Variants in EPSTI1 observed in about 807,000 individuals in gnomAD.
EPSTI1 encodes the protein epithelial stromal interaction 1.
Under a neutral mutation model 49.9 loss-of-function variants are expected in EPSTI1, and 66 were observed. The observed-to-expected ratio is 1.32, with a 90% confidence interval of 1.08 to 1.62. The LOEUF (loss-of-function observed/expected upper bound fraction) is 1.62. Among genes scored for constraint, EPSTI1 ranks in the 40% most tolerant of loss-of-function variants. The pLI is 0.00. For synonymous variants in EPSTI1, 137 were observed against 130.7 expected, an observed-to-expected ratio of 1.05 and a Z score of -0.33; for missense variants, 394 against 365.5, an observed-to-expected ratio of 1.08 and a Z score of -0.64.
At chr13:42,951,549 A>T (rs1322168520) in intron 6 of EPSTI1, among the ~76,000 whole-genome samples, 1 of 152,266 alleles carries the variant, frequency 6.6e-6, no homozygotes, top group African/African-American at 2.4e-5. Context: ...ATAGCAGGCC[A>T]GGTGGCTGAG....
intron 6 of EPSTI1, among the ~76,000 whole-genome samples, chr13:42,951,876 G>C (rs1241955061): frequency 1.3e-5 from 2 of 152,152 alleles, no homozygotes; most frequent in African/African-American, 4.8e-5. Flanking sequence ...CTAAAGTTGA[G>C]AGGTGAAGCC....
intron 5 of EPSTI1, among the ~76,000 whole-genome samples, chr13:42,962,318 A>G (rs2039474910): frequency 6.6e-6 from 1 of 152,210 alleles, no homozygotes; most frequent in South Asian, 2.1e-4. Context: ...ACAAACTCCC[A>G]GATGATGCCA....
Position 42,992,071 on chromosome 13 carries a change from C to G in EPSTI1, c.95G>C (p.Gly32Ala), listed in dbSNP as rs2040206550. 6.2e-7 allele frequency: 1 copy of G among 1,613,350 alleles called. No homozygotes were observed. The highest frequency in any genetic ancestry group is 2.2e-5 in the East Asian group (1 of 44,876). Reference sequence around the variant, plus strand: ...CTGGTCTTCCACGGGGCTCAGCTCCCCTTGCCGCCCAGAAGGGTCCTGGGG... The same window carrying G: ...CTGGTCTTCCACGGGGCTCAGCTCCGCTTGCCGCCCAGAAGGGTCCTGGGG... ...RDPQDPSGRQ[G>A]ELSPVEDQRE... Residue 32 changes from glycine (G) to alanine (A), a missense_variant, in exon 1 of 11, where the codon GGG becomes GCG. Gly to Ala is a moderately conservative substitution (Grantham distance 60, BLOSUM62 0). Coordinates refer to ENST00000313624, the MANE Select transcript of EPSTI1 (RefSeq NM_033255.5).
chr13:42,893,119 TAAAG>T (rs1273082410), intron 10 of EPSTI1, among the ~76,000 whole-genome samples: 2 of 152,070 alleles, frequency 1.3e-5, no homozygotes, highest in Non-Finnish European at 2.9e-5. Context: ...AAGAAAAAAA[TAAAG>T]AAATTAGAGA....
chr13:42,972,255 T>C (rs572138569), intron 1 of EPSTI1, among the ~76,000 whole-genome samples: 3 of 152,304 alleles, frequency 2.0e-5, no homozygotes, highest in Admixed American at 6.5e-5. Context: ...TCTCAGCCTT[T>C]ATCGTGCATC....
At chr13:42,905,930 T>C (rs1462772944) in intron 8 of EPSTI1, among the ~76,000 whole-genome samples, 1 of 152,232 alleles carries the variant, frequency 6.6e-6, no homozygotes, top group Non-Finnish European at 1.5e-5. Flanking sequence ...AATCTCTACA[T>C]TCATACAGAG....
chr13:42,966,648 A>G (rs368373867), intron 3 of EPSTI1, among the ~76,000 whole-genome samples: 38,990 of 62,370 alleles, frequency 0.63, 17,001 homozygotes, highest in East Asian at 0.99. Context: ...TCTGGGAAGT[A>G]AGGAGCGTCT....
At chr13:42,950,285 C>T (rs139443910) in intron 6 of EPSTI1, among the ~76,000 whole-genome samples, 340 of 152,340 alleles carry the variant, frequency 2.2e-3, no homozygotes, top group African/African-American at 7.8e-3. Context: ...AAAGTACATT[C>T]CAGAGGTCTT....
At chr13:42,986,821 T>C (rs1376147264) in intron 1 of EPSTI1, among the ~76,000 whole-genome samples, 2 of 151,256 alleles carry the variant, frequency 1.3e-5, no homozygotes, top group African/African-American at 2.4e-5. Flanking sequence ...GGCTGGAGAT[T>C]TAATCACCAA....
At chr13:42,965,437 C>T (rs1165827960) in intron 3 of EPSTI1, among the ~76,000 whole-genome samples, 2 of 152,152 alleles carry the variant, frequency 1.3e-5, no homozygotes, top group African/African-American at 2.4e-5. Context: ...AGATGCCGAG[C>T]GCTTCAAATT....
Position 42,969,113 on chromosome 13 carries a change from G to A in EPSTI1, c.312C>T (p.His104=). The A allele has an allele frequency of 6.2e-7, 1 of 1,614,166 alleles. No individual in the cohort carries two copies. The highest frequency in any genetic ancestry group is 8.5e-7 in the Non-Finnish European group (1 of 1,180,034). ...GCTTACCTAGCCGTCTGGGCACCAG[G>A]TGAACCGGTTTAGCTCTGTTCTGCT... ...WKEQNRAKPV[H]LVPRRLGGSQ... The change falls in exon 3 of 11, where the codon CAC becomes CAT. Residue 104 remains histidine, a synonymous_variant. Transcript: ENST00000313624.
At chr13:42,974,292 T>C (rs1393056230) in intron 1 of EPSTI1, among the ~76,000 whole-genome samples, 1 of 151,276 alleles carries the variant, frequency 6.6e-6, no homozygotes, top group Non-Finnish European at 1.5e-5. Flanking sequence ...GCTGCGATCA[T>C]GCCACTGCAC....
chr13:42,964,465 G>T (rs2039549826), intron 3 of EPSTI1, among the ~76,000 whole-genome samples: 1 of 152,184 alleles, frequency 6.6e-6, no homozygotes, highest in Non-Finnish European at 1.5e-5. Flanking sequence ...AATAGTGCCT[G>T]TCTTGGAAAC....
At chr13:42,975,280 G>A (rs2039859648) in intron 1 of EPSTI1, among the ~76,000 whole-genome samples, 1 of 152,166 alleles carries the variant, frequency 6.6e-6, no homozygotes, top group Admixed American at 6.5e-5. Flanking sequence ...ACCAGGCCGA[G>A]CGAATTACCC....
At chr13:42,900,714 C>G (rs191616831) in intron 8 of EPSTI1, among the ~76,000 whole-genome samples, 1 of 152,028 alleles carries the variant, frequency 6.6e-6, no homozygotes, top group East Asian at 1.9e-4. Flanking sequence ...AACAACAAAT[C>G]AAATTAGTTC....
chr13:42,979,919 T>A (rs1310277703), intron 1 of EPSTI1, among the ~76,000 whole-genome samples: 2 of 152,192 alleles, frequency 1.3e-5, no homozygotes, highest in African/African-American at 4.8e-5. Context: ...TCCCTACCTT[T>A]ACCTCATCCT....
At chr13:42,978,724 TACTTAAGATA>T (rs1280835783) in intron 1 of EPSTI1, among the ~76,000 whole-genome samples, 1 of 148,496 alleles carries the variant, frequency 6.7e-6, no homozygotes, top group Non-Finnish European at 1.5e-5. Context: ...CATAGATACT[TACTTAAGATA>T]ACTAAGGGGA....
chr13:42,988,965 A>G (rs889212935), intron 1 of EPSTI1, among the ~76,000 whole-genome samples: 1 of 150,986 alleles, frequency 6.6e-6, no homozygotes, highest in South Asian at 2.1e-4. Flanking sequence ...AGCTCAAGCT[A>G]TCCTCCTGCC....
Position 42,886,992 on chromosome 13 carries a change from A to G in EPSTI1, c.*1502T>C, listed in dbSNP as rs1208228771. ...GCATAGACGCAAAAATCGGAACACA[A>G]CTGTAAGGTAGCCAGGCTGGCAGGT... On this transcript the variant is annotated 3_prime_UTR_variant, in exon 11 of 11. Transcript: ENST00000313624. The G allele has an allele frequency of 6.6e-6, 1 of 151,252 alleles. No homozygotes were observed. 9.4% of individuals were successfully genotyped at this position (151,252 alleles called of 1,614,324 possible).
Sources: allele counts gnomAD v4.1 joint callset (sites outside exome capture counted in the v4.1 genomes callset), GRCh38; gene constraint gnomAD v4.1.1; transcripts MANE v1.5; gene names NCBI Gene and HGNC (gene_info 2026-07-23, HGNC 2026-07-21).